The following RBFOX1 variants were observed in gnomAD, a reference collection of about 807,000 sequenced individuals.
The protein encoded by RBFOX1 is RNA binding protein fox-1 homolog 1.
RBFOX1 carries 8 observed loss-of-function variants against 57.7 expected under a neutral mutation model. The ratio of observed to expected loss-of-function variants is 0.14; its 90% CI spans 0.08 to 0.25. The LOEUF is 0.25. Among genes scored for constraint, RBFOX1 ranks in the 10% least tolerant of loss-of-function variants. RBFOX1 has a pLI of 1.00. For synonymous variants in RBFOX1, 326 were observed against 222.4 expected, an observed-to-expected ratio of 1.47 and a Z score of -4.15; for missense variants, 611 against 548.5, an observed-to-expected ratio of 1.11 and a Z score of -1.14.
chr16:5,561,709 C>T (rs957228690), intron 2 of RBFOX1, among the ~76,000 whole-genome samples: 1 of 151,998 alleles, frequency 6.6e-6, no homozygotes, highest in African/African-American at 2.4e-5. Flanking sequence ...ATCTTATCTC[C>T]AGGAGGGTCC....
chr16:7,497,792 CAG>C (rs2069180760), intron 4 of RBFOX1, among the ~76,000 whole-genome samples: 1 of 152,206 alleles, frequency 6.6e-6, no homozygotes, highest in African/African-American at 2.4e-5. Context: ...AGATCTAACT[CAG>C]AATGTCTACG....
chr16:6,979,694 G>C (rs969094730), intron 3 of RBFOX1, among the ~76,000 whole-genome samples: 5 of 152,174 alleles, frequency 3.3e-5, no homozygotes, highest in South Asian at 2.1e-4. Flanking sequence ...AAACATGTGA[G>C]GCGTTATTAT....
At chr16:6,941,166 T>G (rs2078378285) in intron 3 of RBFOX1, among the ~76,000 whole-genome samples, 1 of 151,950 alleles carries the variant, frequency 6.6e-6, no homozygotes, top group Non-Finnish European at 1.5e-5. Context: ...AGGAAATCCA[T>G]CAGCAGACTC....
At chr16:6,688,231 AAG>A (rs1426899169) in intron 3 of RBFOX1, among the ~76,000 whole-genome samples, 1 of 151,920 alleles carries the variant, frequency 6.6e-6, no homozygotes, top group African/African-American at 2.4e-5. Flanking sequence ...GAGCAGGAGG[AAG>A]AGAGAGATGG....
intron 3 of RBFOX1, among the ~76,000 whole-genome samples, chr16:6,925,616 G>A (rs2075432565): frequency 1.3e-5 from 2 of 151,858 alleles, no homozygotes; most frequent in South Asian, 2.1e-4. Context: ...AAATATTTGG[G>A]GGCATCAGTA....
intron 4 of RBFOX1, among the ~76,000 whole-genome samples, chr16:7,462,241 C>T (rs1199716940): frequency 1.3e-5 from 2 of 152,162 alleles, no homozygotes; most frequent in African/African-American, 4.8e-5. Flanking sequence ...GCTGCTGTAA[C>T]AAATCACCAC....
intron 1 of RBFOX1, among the ~76,000 whole-genome samples, chr16:6,309,928 G>T (rs921430775): frequency 6.6e-6 from 1 of 152,194 alleles, no homozygotes; most frequent in Admixed American, 6.5e-5. Flanking sequence ...ACAGAGTCTC[G>T]CTGTGTCGCC....
At chr16:6,883,066 G>C (rs1331437596) in intron 3 of RBFOX1, among the ~76,000 whole-genome samples, 2 of 152,064 alleles carry the variant, frequency 1.3e-5, no homozygotes, top group African/African-American at 4.8e-5. Context: ...ATTCATAGAT[G>C]GCTTCTCAAA....
chr16:5,808,327 T>C (rs1010803698), intron 3 of RBFOX1, among the ~76,000 whole-genome samples: 1 of 152,192 alleles, frequency 6.6e-6, no homozygotes, highest in African/African-American at 2.4e-5. Flanking sequence ...TGTACCCTTG[T>C]AGTATAGTTT....
At chr16:6,352,572 A>C (rs17526976) in intron 2 of RBFOX1, among the ~76,000 whole-genome samples, 20,919 of 152,174 alleles carry the variant, frequency 0.14, 1,513 homozygotes, top group South Asian at 0.2. Context: ...GAGATAGCAA[A>C]ACAAAAAAAC....
chr16:5,998,057 G>C (rs1327299269), intron 4 of RBFOX1, among the ~76,000 whole-genome samples: 1 of 152,212 alleles, frequency 6.6e-6, no homozygotes, highest in Admixed American at 6.5e-5. Context: ...TAATGTGCCT[G>C]TGTGAGAAGA....
intron 4 of RBFOX1, among the ~76,000 whole-genome samples, chr16:7,142,285 A>C (rs1220330409): frequency 2.6e-5 from 4 of 152,102 alleles, no homozygotes; most frequent in Non-Finnish European, 4.4e-5. Flanking sequence ...CAGCCTTCCA[A>C]AGTGGCGGGA....
chr16:6,651,642 G>A (rs2098596922), intron 2 of RBFOX1, among the ~76,000 whole-genome samples: 1 of 152,148 alleles, frequency 6.6e-6, no homozygotes, highest in Non-Finnish European at 1.5e-5. Flanking sequence ...GTGGAAAACG[G>A]TAGGGTGGTT....
chr16:6,260,580 G>C (rs1489088704), intron 1 of RBFOX1, among the ~76,000 whole-genome samples: 4 of 152,054 alleles, frequency 2.6e-5, no homozygotes, highest in Admixed American at 2.6e-4. Flanking sequence ...TATAAAGAAG[G>C]CATGGCATGC....
intron 2 of RBFOX1, among the ~76,000 whole-genome samples, chr16:6,406,221 C>A (rs2795535): frequency 0.66 from 100,047 of 152,094 alleles, 33,863 homozygotes; most frequent in African/African-American, 0.83. Flanking sequence ...CTGGGGACCT[C>A]AGATTCTCTT....
intron 5 of RBFOX1, among the ~76,000 whole-genome samples, chr16:7,570,163 C>CTTT (rs5815410): frequency 7.0e-6 from 1 of 142,420 alleles, no homozygotes. Context: ...TAAAATTTTA[C>CTTT]TTTTTTTTTT....
At chr16:6,599,194 C>G (rs929928836) in intron 2 of RBFOX1, among the ~76,000 whole-genome samples, 3 of 152,026 alleles carry the variant, frequency 2.0e-5, no homozygotes, top group East Asian at 1.9e-4. Flanking sequence ...CTGTTCTCAT[C>G]CAAAGACGTG....
chr16:7,221,279 T>C (rs1212429671), intron 4 of RBFOX1, among the ~76,000 whole-genome samples: 1 of 152,174 alleles, frequency 6.6e-6, no homozygotes, highest in Non-Finnish European at 1.5e-5. Context: ...TCTCAGAAGG[T>C]GATTTGGCTA....
rs565093299 is a variant in RBFOX1, at chr16:6,572,484, A to T, written c.-63-82119A>T. Among the ~76,000 whole-genome samples the T allele has an allele frequency of 2.6e-5, 4 of 152,324 alleles. No homozygotes were observed. The South Asian group carries it at 8.3e-4, about 32-fold the overall frequency. On this transcript the variant is annotated intron_variant, in intron 2 of 15. Transcript: ENST00000550418. ...ACTAAGCGTGCATGTACAAATATAT[A>T]TAAACTCATTAAAATCCCTTCCATT...
Sources: gnomAD v4.1 joint callset for allele counts (sites outside exome capture counted in the v4.1 genomes callset) on GRCh38, gnomAD v4.1.1 for gene constraint, MANE v1.5 for transcripts, NCBI Gene and HGNC (gene_info 2026-07-23, HGNC 2026-07-21) for gene names.